SLC41A1: variants seen among roughly 807,000 people sequenced by gnomAD.
SLC41A1 encodes the protein solute carrier family 41 (magnesium transporter), member 1.
In SLC41A1, 20 loss-of-function variants were observed where a neutral mutation model predicts 47.3. That is an observed-to-expected ratio of 0.42 (90% CI 0.30 to 0.61). The LOEUF (loss-of-function observed/expected upper bound fraction) is 0.61, where lower values mean the gene tolerates loss of function less well. SLC41A1 is among the 20% of genes least tolerant of loss of function. The pLI, the probability that SLC41A1 is intolerant of heterozygous loss-of-function variation, is 0.17. For synonymous variants in SLC41A1, 282 were observed against 272.7 expected (o/e 1.03, Z -0.34); for missense variants, 504 against 674.1 (o/e 0.75, Z 2.79).
chr1:205,805,971 C>T (rs970667934), intron 2 of SLC41A1, among the ~76,000 whole-genome samples: 1 of 152,234 alleles, frequency 6.6e-6, no homozygotes, highest in African/African-American at 2.4e-5. Flanking sequence ...TTCCCAGATA[C>T]AAGCTTTAGG....
At chr1:205,797,122 A>G in intron 7 of SLC41A1, 119 bp from the exon 8 acceptor site, 1 of 881,258 alleles carries the variant, frequency 1.1e-6, no homozygotes, top group Non-Finnish European at 1.9e-6. Flanking sequence ...CATGGCTCTC[A>G]GGAGTTCCTC....
intron 2 of SLC41A1, among the ~76,000 whole-genome samples, chr1:205,805,365 C>G (rs1287797548): frequency 6.6e-6 from 1 of 152,170 alleles, no homozygotes; most frequent in Non-Finnish European, 1.5e-5. Context: ...AGATGTGGAG[C>G]CAGCCCAGGA....
Position 205,797,926 on chromosome 1 carries a change from T to C in SLC41A1, c.970A>G (p.Ile324Val), listed in dbSNP as rs771097997. The C allele has an allele frequency of 2.5e-6, 4 of 1,613,820 alleles. No homozygotes were observed. Among genetic ancestry groups the C allele is most frequent in the East Asian group, 2.2e-5 (1 of 44,846 alleles). Residue 324 changes from isoleucine to valine, a missense_variant, in exon 7 of 11, where the codon ATC becomes GTC. By Grantham distance (29) the Ile-to-Val change is conservative (BLOSUM62 3). Transcript: ENST00000367137. ...TACCTGCTGATGGCCATGGCAATGA[T>C]AACAGGCTCCCAGCCCGAGTACAAC... ...EVLYSGWEPV[I>V]IAMAISSVGG...
chr1:205,794,846 G>A (rs1026498907), intron 10 of SLC41A1, 24 bp downstream of exon 10: 2 of 1,613,046 alleles, frequency 1.2e-6, no homozygotes, highest in Non-Finnish European at 1.7e-6. Flanking sequence ...TCCTTCCCAT[G>A]CCCCTGCTCC....
chr1:205,805,382 G>C (rs1451114307), intron 2 of SLC41A1, among the ~76,000 whole-genome samples: 1 of 152,188 alleles, frequency 6.6e-6, no homozygotes, highest in Non-Finnish European at 1.5e-5. Context: ...AGGAATCAAG[G>C]TGGCCTTAAG....
chr1:205,794,159 C>CACACACACACAT (rs34271133), intron 10 of SLC41A1, among the ~76,000 whole-genome samples: 1 of 151,778 alleles, frequency 6.6e-6, no homozygotes, highest in South Asian at 2.1e-4. Flanking sequence ...CACACACACA[C>CACACACACACAT]GAGTGCATGT....
Position 205,789,261 on chromosome 1 carries a change from A to G in SLC41A1, c.*2272T>C, listed in dbSNP as rs1479252668. 1 of 152,262 alleles carries G rather than the reference A, an allele frequency of 6.6e-6. No individual in the cohort carries two copies. The highest frequency in any genetic ancestry group is 2.4e-5 in the African/African-American group (1 of 41,474). The allele number at this position is 152,262 out of a possible 1,614,324, so 9.4% of individuals were successfully genotyped here. A position where few individuals can be genotyped will look rare whatever the true frequency, so the allele number is the denominator to read the frequency against. ...CTCCTTGCAGCCAGGCCAAAAGTACATGCAGTTGGTACAATCGGGGAAAAG... is the reference window on the plus strand; with the variant it reads ...CTCCTTGCAGCCAGGCCAAAAGTACGTGCAGTTGGTACAATCGGGGAAAAG... On this transcript the variant is annotated 3_prime_UTR_variant, in exon 11 of 11. Coordinates refer to ENST00000367137, the MANE Select transcript of SLC41A1 (RefSeq NM_173854.6).
At chr1:205,799,681 T>C in intron 4 of SLC41A1, 78 bp downstream of exon 4, 1 of 1,488,926 alleles carries the variant, frequency 6.7e-7, no homozygotes, top group East Asian at 2.3e-5. Flanking sequence ...AGGAGCCTGC[T>C]GGGGCTGACC....
At position 205,813,139 on chromosome 1, in the gene SLC41A1, G is replaced by C. The variant is rs1212595455; in HGVS notation, c.-978C>G. ...GCTCACGCGCCCCCAATCGCTTCTT[G>C]CCCGCGGACTCGGGCCCAACTGGTT... On this transcript the variant is annotated 5_prime_UTR_variant, in exon 1 of 11. Transcript: ENST00000367137. The C allele has an allele frequency of 1.2e-5, 12 of 985,526 alleles. No individual in the cohort carries two copies. Among genetic ancestry groups the C allele is most frequent in the Middle Eastern group, 5.2e-4 (1 of 1,936 alleles). The allele number at this position is 985,526 out of a possible 1,614,324, so 61.0% of individuals were successfully genotyped here. A position where few individuals can be genotyped will look rare whatever the true frequency, so the allele number is the denominator to read the frequency against.
chr1:205,798,873 C>T (rs759927913), intron 5 of SLC41A1, 58 bp from the exon 6 acceptor site: 1 of 1,614,094 alleles, frequency 6.2e-7, no homozygotes, highest in African/African-American at 1.3e-5. Flanking sequence ...GGAGTCTCAA[C>T]AAACAAAAAG....
In SLC41A1 at chr1:205,799,097, T is replaced by C; in HGVS notation, c.557A>G (p.Gln186Arg). The C allele has an allele frequency of 6.2e-7, 1 of 1,611,974 alleles. No individual in the cohort carries two copies. Among genetic ancestry groups the C allele is most frequent in the Non-Finnish European group, 8.5e-7 (1 of 1,179,890 alleles). The change falls in exon 5 of 11, where the codon CAG (glutamine) becomes CGG (arginine). Residue 186 changes from glutamine to arginine, a missense_variant. Coordinates refer to ENST00000367137, the MANE Select transcript of SLC41A1 (RefSeq NM_173854.6). ...CGCCAGGAAGCCCACCACCGTGGCC[T>C]GCACCTGGGGACAGGAGTGGTAACT... ...ITGNMALIQV[Q>R]ATVVGFLASI...
chr1:205,796,829 CCTGA>C, intron 8 of SLC41A1, 91 bp downstream of exon 8: 1 of 1,253,840 alleles, frequency 8.0e-7, no homozygotes, highest in African/African-American at 1.5e-5. Context: ...CTGCTGGAAC[CCTGA>C]CTGATACAGA....
chr1:205,797,517 G>A (rs1253477930), intron 7 of SLC41A1, among the ~76,000 whole-genome samples: 1 of 152,212 alleles, frequency 6.6e-6, no homozygotes, highest in African/African-American at 2.4e-5. Flanking sequence ...GAGAAGCAGT[G>A]GAACTCTATT....
intron 3 of SLC41A1, 152 bp from the exon 4 acceptor site, chr1:205,799,982 G>T: frequency 1.4e-6 from 1 of 708,636 alleles, no homozygotes; most frequent in Non-Finnish European, 2.5e-6. Context: ...AGCAGGATCA[G>T]GGAAACTGAG....
At position 205,789,960 on chromosome 1, in the gene SLC41A1, A is replaced by C. The variant is rs1655580899; in HGVS notation, c.*1573T>G. ...CGGATGGAGGCTCCAGTTTTCTCCC[A>C]ATTTTGTGCTAGGCAGAGAAAAGTA... On this transcript the variant is annotated 3_prime_UTR_variant, in exon 11 of 11. Coordinates refer to ENST00000367137, the MANE Select transcript of SLC41A1 (RefSeq NM_173854.6). 1 of 152,218 alleles carries C rather than the reference A, an allele frequency of 6.6e-6. No individual in the cohort carries two copies. Among genetic ancestry groups the C allele is most frequent in the Non-Finnish European group, 1.5e-5 (1 of 68,066 alleles). The allele number at this position is 152,218 out of a possible 1,614,324, so 9.4% of individuals were successfully genotyped here.
chr1:205,797,933 C>T lies in SLC41A1; in HGVS notation c.963G>A (p.Glu321=). Residue 321 remains glutamate, a synonymous_variant, in exon 7 of 11, where the codon GAG becomes GAA. Coordinates refer to ENST00000367137, the MANE Select transcript of SLC41A1 (RefSeq NM_173854.6). ...ATREVLYSGW[E]PVIIAMAISS... ...TGATGGCCATGGCAATGATAACAGG[C>T]TCCCAGCCCGAGTACAACACCTCCC... 1 of 1,613,924 alleles carries T rather than the reference C, an allele frequency of 6.2e-7. No individual in the cohort carries two copies. The highest frequency in any genetic ancestry group is 8.5e-7 in the Non-Finnish European group (1 of 1,179,958).
rs1244010338 is a variant in SLC41A1 at position 205,811,087 on chromosome 1, C to T, written c.-646G>A. The T allele has an allele frequency of 1.3e-5, 2 of 153,530 alleles. No individual in the cohort carries two copies. The highest frequency in any genetic ancestry group is 2.4e-5 in the African/African-American group (1 of 41,454). 9.5% of individuals were successfully genotyped at this position (153,530 alleles called of 1,614,324 possible). On this transcript the variant is annotated splice_region_variant and 5_prime_UTR_variant, in exon 2 of 11. The change creates a new upstream start codon in the 5' untranslated region. Transcript: ENST00000367137. ...AAGTCACGAGAATCAGTGTGGAACA[C>T]CTTATGTGGGAAGGAGAAAGAAAAG...
intron 2 of SLC41A1, among the ~76,000 whole-genome samples, chr1:205,806,211 G>T (rs768160530): frequency 6.6e-6 from 1 of 152,220 alleles, no homozygotes; most frequent in African/African-American, 2.4e-5. Context: ...AGCAGGCAGG[G>T]GACAGAGATG....
Position 205,794,960 on chromosome 1 carries a change from C to T in SLC41A1, c.1266G>A (p.Val422=). 6.2e-7 allele frequency: 1 copy of T among 1,614,040 alleles called. No homozygotes were observed. Among genetic ancestry groups the T allele is most frequent in the Non-Finnish European group, 8.5e-7 (1 of 1,180,004 alleles). ...LFLLVVPGHL[V]FLYTISCMQG... is the part of the protein sequence containing the mutation. ...GCATACAGCTGATGGTGTAGAGGAA[C>T]ACCAGGTGTCCTGGGACCACGAGGA... The change falls in exon 10 of 11, where the codon GTG becomes GTA. Residue 422 remains valine, a synonymous_variant. Coordinates refer to ENST00000367137, the MANE Select transcript of SLC41A1 (RefSeq NM_173854.6).
Sources: gnomAD v4.1 joint callset for allele counts (sites outside exome capture counted in the v4.1 genomes callset) on GRCh38, gnomAD v4.1.1 for gene constraint, MANE v1.5 for transcripts, NCBI Gene and HGNC (gene_info 2026-07-23, HGNC 2026-07-21) for gene names.